The following SLC2A2 variants were observed in gnomAD, a reference collection of about 807,000 sequenced individuals.
SLC2A2 encodes solute carrier family 2 member 2.
Under a neutral mutation model 54.5 loss-of-function variants are expected in SLC2A2, and 36 were observed. The observed-to-expected ratio is 0.66, with a 90% CI of 0.51 to 0.87. The LOEUF is 0.87. Among genes scored for constraint, SLC2A2 ranks in the 40% least tolerant of loss-of-function variants. SLC2A2 has a pLI of 0.00. For missense variants in SLC2A2, 543 were observed against 624.3 expected (o/e 0.87, Z 1.39); for synonymous variants, 223 against 219.1 (o/e 1.02, Z -0.16).
At chr3:171,025,164 G>T (rs773848548) in intron 1 of SLC2A2, among the ~76,000 whole-genome samples, 1 of 151,040 alleles carries the variant, frequency 6.6e-6, no homozygotes, top group African/African-American at 2.4e-5. Flanking sequence ...CTTTATCCTG[G>T]GCTATAATAC....
At chr3:170,999,466 CTTT>C (rs1357177542) in intron 8 of SLC2A2, among the ~76,000 whole-genome samples, 1 of 152,088 alleles carries the variant, frequency 6.6e-6, no homozygotes, top group Non-Finnish European at 1.5e-5. Flanking sequence ...AGGATTATCA[CTTT>C]GGGTACAATA....
chr3:171,013,142 T>C (rs1173782221), intron 3 of SLC2A2, among the ~76,000 whole-genome samples: 1 of 152,180 alleles, frequency 6.6e-6, no homozygotes, highest in Non-Finnish European at 1.5e-5. Flanking sequence ...TTGCTTAATT[T>C]GATTTACTTA....
intron 3 of SLC2A2, among the ~76,000 whole-genome samples, chr3:171,013,598 G>T (rs1560039377): frequency 6.6e-6 from 1 of 152,026 alleles, no homozygotes; most frequent in Non-Finnish European, 1.5e-5. Context: ...AAAACTAAGT[G>T]AATTATAATC....
At chr3:171,025,497 C>T (rs1285285834) in intron 1 of SLC2A2, among the ~76,000 whole-genome samples, 1 of 152,046 alleles carries the variant, frequency 6.6e-6, no homozygotes, top group Non-Finnish European at 1.5e-5. Flanking sequence ...TATCACTGAG[C>T]CCAAGTTTCT....
rs749737869 is a variant in SLC2A2, at chr3:170,997,037, G to T, written c.*866C>A. 6.0e-6 allele frequency: 1 copy of T among 166,372 alleles called. No homozygotes were observed. The highest frequency in any genetic ancestry group is 1.3e-5 in the Non-Finnish European group (1 of 77,868). 10.3% of individuals were successfully genotyped at this position (166,372 alleles called of 1,614,324 possible). A position where few individuals can be genotyped will look rare whatever the true frequency, so the allele number is the denominator to read the frequency against. On this transcript the variant is annotated 3_prime_UTR_variant, in exon 11 of 11. Coordinates refer to ENST00000314251, the MANE Select transcript of SLC2A2 (RefSeq NM_000340.2). ...AGGAATTTGAGGTAATATACCAAAT[G>T]TCTGACTCATGATTGTTTGAGTGTA...
intron 2 of SLC2A2, 29 bp from the exon 3 acceptor site, chr3:171,014,760 A>G (rs1389347039): frequency 1.1e-5 from 17 of 1,577,910 alleles, no homozygotes; most frequent in Non-Finnish European, 1.4e-5. Context: ...TAGCTTTACT[A>G]TTTCAAACAT....
intron 2 of SLC2A2, among the ~76,000 whole-genome samples, chr3:171,018,024 C>T (rs552367261): frequency 6.6e-6 from 1 of 152,164 alleles, no homozygotes; most frequent in East Asian, 1.9e-4. Context: ...TTTAGGGCTT[C>T]TTAAGGTTTT....
chr3:171,009,924 T>G (rs1715803157), intron 4 of SLC2A2, 34 bp downstream of exon 4: 1 of 1,544,252 alleles, frequency 6.5e-7, no homozygotes, highest in African/African-American at 1.4e-5. Flanking sequence ...TGTGTGTGTG[T>G]GTGTGTGTGT....
At chr3:171,021,519 G>A (rs1259876702) in intron 1 of SLC2A2, among the ~76,000 whole-genome samples, 2 of 152,184 alleles carry the variant, frequency 1.3e-5, no homozygotes, top group Non-Finnish European at 2.9e-5. Flanking sequence ...AAGCATGGCA[G>A]CTCATGCCTA....
chr3:171,024,640 A>G (rs769682511), intron 1 of SLC2A2, among the ~76,000 whole-genome samples: 1 of 152,158 alleles, frequency 6.6e-6, no homozygotes, highest in Non-Finnish European at 1.5e-5. Flanking sequence ...GTTGAAAGAG[A>G]CCTTAGAGAA....
At chr3:171,004,301 A>C (rs2108241609) in intron 7 of SLC2A2, among the ~76,000 whole-genome samples, 1 of 152,170 alleles carries the variant, frequency 6.6e-6, no homozygotes, top group Admixed American at 6.6e-5. Flanking sequence ...ATACAGACAG[A>C]GCTGAGATGG....
intron 8 of SLC2A2, among the ~76,000 whole-genome samples, chr3:170,999,435 C>A (rs1177851955): frequency 6.6e-6 from 1 of 152,022 alleles, no homozygotes; most frequent in Admixed American, 6.6e-5. Flanking sequence ...AGAGATAGAA[C>A]CATAATGTTA....
intron 3 of SLC2A2, among the ~76,000 whole-genome samples, chr3:171,013,946 A>T (rs1321706629): frequency 7.8e-6 from 1 of 127,514 alleles, no homozygotes; most frequent in East Asian, 1.9e-4. Flanking sequence ...GGGCTTTGAG[A>T]TAGCAAGCAG....
intron 1 of SLC2A2, among the ~76,000 whole-genome samples, chr3:171,021,345 A>G (rs905483526): frequency 1.3e-5 from 2 of 152,222 alleles, no homozygotes; most frequent in Non-Finnish European, 1.5e-5. Flanking sequence ...GAGATGCAAC[A>G]CAAACAGATT....
rs1457657980 is a variant in SLC2A2, at chr3:170,998,366, T to C, written c.1201A>G (p.Met401Val). The C allele has an allele frequency of 6.2e-7, 1 of 1,613,650 alleles. No homozygotes were observed. Residue 401 changes from methionine (M) to valine (V), a missense_variant, in exon 10 of 11, where the codon ATG becomes GTG. Met to Val is a conservative substitution (Grantham distance 21, BLOSUM62 1). Around this residue, in one of 3 missense-constraint regions of SLC2A2, gnomAD observed 117 missense variants for 179.2 expected, o/e 0.65. Coordinates refer to ENST00000314251, the MANE Select transcript of SLC2A2 (RefSeq NM_000340.2). ...NKFSWMSYVS[M>V]IAIFLFVSFF... ...CTGACAAAGAGGAAGATGGCTATCATGCTCACATAACTCATCCAAGAGAAC... is the reference window on the plus strand; with the variant it reads ...CTGACAAAGAGGAAGATGGCTATCACGCTCACATAACTCATCCAAGAGAAC...
chr3:171,014,720 A>C lies in SLC2A2; in HGVS notation c.120T>G (p.Ser40=). 1 of 1,612,646 alleles carries C rather than the reference A, an allele frequency of 6.2e-7. No homozygotes were observed. Residue 40 remains serine (S), a synonymous_variant, in exon 3 of 11, where the codon TCT becomes TCG. Coordinates refer to ENST00000314251, the MANE Select transcript of SLC2A2 (RefSeq NM_000340.2). ...GAACACCCAAAACATGTCTATAGTG[A>C]GATATTATTACCTAGGAGATAAAGA... ...VINAPQQVII[S]HYRHVLGVPL...
chr3:171,019,777 G>GGCTTAA (rs1327478274), intron 1 of SLC2A2, among the ~76,000 whole-genome samples: 1 of 152,098 alleles, frequency 6.6e-6, no homozygotes, highest in Non-Finnish European at 1.5e-5. Flanking sequence ...TGTTTTTAAA[G>GGCTTAA]GCTTAAACAT....
chr3:171,005,752 C>T (rs939411393), intron 6 of SLC2A2, among the ~76,000 whole-genome samples, 191 bp downstream of exon 6: 4 of 151,916 alleles, frequency 2.6e-5, no homozygotes, highest in African/African-American at 9.7e-5. Context: ...AGTCTAATAC[C>T]GTGTGTATGG....
rs778309153 is a variant in SLC2A2, at chr3:171,002,728, GA to G, written c.964-49del. On this transcript the variant is annotated intron_variant, in intron 7 of 10. Coordinates refer to ENST00000314251, the MANE Select transcript of SLC2A2 (RefSeq NM_000340.2). ...CCTTAATCTTAAGAAGTCTGGCACT[GA>G]TATCTTTAAAGCAAGAAATATTTTA... is the stretch of plus-strand genomic sequence containing the variant. 7 of 1,032,408 alleles carry G rather than the reference GA, an allele frequency of 6.8e-6. No individual in the cohort carries two copies. The East Asian group carries it at 1.5e-4, about 22-fold the overall frequency. 64.0% of individuals were successfully genotyped at this position (1,032,408 alleles called of 1,614,324 possible). A position where few individuals can be genotyped will look rare whatever the true frequency, so the allele number is the denominator to read the frequency against.
Sources: allele counts gnomAD v4.1 joint callset (sites outside exome capture counted in the v4.1 genomes callset), GRCh38; gene constraint gnomAD v4.1.1; regional missense constraint gnomAD v4.1.1; transcripts MANE v1.5; gene names NCBI Gene and HGNC (gene_info 2026-07-23, HGNC 2026-07-21).